RNF212B: variants seen among roughly 807,000 people sequenced by gnomAD.
RNF212B encodes E3 ubiquitin-protein ligase RNF212B.
In RNF212B, 52 loss-of-function variants were observed where a neutral mutation model predicts 55.5. That is an observed-to-expected ratio of 0.94 (90% CI 0.75 to 1.18). The LOEUF (loss-of-function observed/expected upper bound fraction) is 1.18, where lower values mean the gene tolerates loss of function less well. Ranked by LOEUF, RNF212B falls within the 50% of genes most tolerant of loss-of-function variation. The probability of loss-of-function intolerance (pLI) is 0.00; values close to 1 mark genes in which losing one functional copy is unlikely to be tolerated. For missense variants in RNF212B, 289 were observed against 350.4 expected, an observed-to-expected ratio of 0.82 and a Z score of 1.40; for synonymous variants, 99 against 121.4, an observed-to-expected ratio of 0.82 and a Z score of 1.21.
chr14:23,218,091 A>G (rs114113457), intron 2 of RNF212B, among the ~76,000 whole-genome samples: 1,910 of 152,178 alleles, frequency 0.013, 38 homozygotes, highest in African/African-American at 0.042. Context: ...ATTGCAGGCC[A>G]GGCGCTGTGG....
chr14:23,231,196 C>A (rs1288240871), intron 2 of RNF212B, among the ~76,000 whole-genome samples: 1 of 152,044 alleles, frequency 6.6e-6, no homozygotes, highest in African/African-American at 2.4e-5. Context: ...CCGTATATAG[C>A]TTTGGATGCT....
At chr14:23,260,831 G>A (rs1594944599) in intron 7 of RNF212B, 144 bp downstream of exon 7, 1 of 746,994 alleles carries the variant, frequency 1.3e-6, no homozygotes, top group Middle Eastern at 3.7e-4. Context: ...GTTACTGAAA[G>A]TGCCGAAGTA....
intron 2 of RNF212B, among the ~76,000 whole-genome samples, chr14:23,216,363 A>G (rs1344087370): frequency 1.3e-5 from 2 of 152,224 alleles, no homozygotes; most frequent in Non-Finnish European, 2.9e-5. Context: ...ACAAAAAAGC[A>G]AAAAGAAGTG....
intron 2 of RNF212B, among the ~76,000 whole-genome samples, chr14:23,206,848 A>G (rs1038814581): frequency 1.3e-5 from 2 of 152,184 alleles, no homozygotes; most frequent in Non-Finnish European, 2.9e-5. Flanking sequence ...CAAACAAACA[A>G]ACAAAAAATC....
At position 23,270,537 on chromosome 14, in the gene RNF212B, A is replaced by T. The variant is rs892126510; in HGVS notation, c.773-63A>T. ...GAACTACCTCATTACCCTGACCCACAAGTAACACTGCCGAGAAACTGCCCA... is the reference window on the plus strand; with the variant it reads ...GAACTACCTCATTACCCTGACCCACTAGTAACACTGCCGAGAAACTGCCCA... On this transcript the variant is annotated intron_variant, in intron 13 of 14. Coordinates refer to ENST00000430154, the MANE Select transcript of RNF212B (RefSeq NM_001282322.3). 16 of 1,183,140 alleles carry T rather than the reference A, an allele frequency of 1.4e-5. No individual in the cohort carries two copies. The African/African-American group carries it at 1.8e-4, about 13-fold the overall frequency. The allele number at this position is 1,183,140 out of a possible 1,614,324, so 73.3% of individuals were successfully genotyped here.
chr14:23,249,639 A>G (rs1174101246), intron 4 of RNF212B, among the ~76,000 whole-genome samples: 1 of 152,220 alleles, frequency 6.6e-6, no homozygotes, highest in African/African-American at 2.4e-5. Flanking sequence ...CTTCTGAAAC[A>G]GTGTAGTTGA....
intron 2 of RNF212B, among the ~76,000 whole-genome samples, chr14:23,219,124 C>T (rs1163004565): frequency 6.6e-6 from 1 of 152,110 alleles, no homozygotes; most frequent in Non-Finnish European, 1.5e-5. Flanking sequence ...GAAATAAAGG[C>T]CTTCCCAGAC....
Position 23,272,884 on chromosome 14 carries a change from CTAG to C in RNF212B, c.897_899del (p.Arg300del), listed in dbSNP as rs774280746. 23 of 1,528,898 alleles carry C rather than the reference CTAG, an allele frequency of 1.5e-5. 1 individual carries two copies. The South Asian group carries it at 2.8e-4, about 19-fold the overall frequency. 94.7% of individuals were successfully genotyped at this position (1,528,898 alleles called of 1,614,324 possible). A position where few individuals can be genotyped will look rare whatever the true frequency, so the allele number is the denominator to read the frequency against. ...AGTGGGAGAGAAGCATGGACCACTT[CTAG>C]ATAGATCATCTTCAAGATCTGATCT... On this transcript the variant is annotated inframe_deletion, in exon 15 of 15. Transcript: ENST00000430154.
At chr14:23,225,079 C>CAA (rs145337832) in intron 2 of RNF212B, among the ~76,000 whole-genome samples, 2,304 of 149,436 alleles carry the variant, frequency 0.015, 55 homozygotes, top group African/African-American at 0.053. Context: ...TGCCACCCCA[C>CAA]ACAAAAAAAA....
At chr14:23,193,091 TAAAAAAAA>T (rs3045528) in intron 1 of RNF212B, among the ~76,000 whole-genome samples, 4,137 of 113,122 alleles carry the variant, frequency 0.037, 94 homozygotes, top group African/African-American at 0.053. Flanking sequence ...AAACTCTGTC[TAAAAAAAA>T]AAAAAAAAAA....
chr14:23,188,460 G>GTTTTTTTTTTTTTTTTTTTTTT (rs60659225), intron 1 of RNF212B: 1 of 136,502 alleles, frequency 7.3e-6, no homozygotes. Flanking sequence ...AAAGATTAGG[G>GTTTTTTTTTTTTTTTTTTTTTT]TTTTTTTTTT....
At chr14:23,240,528 T>C in intron 2 of RNF212B, 83 bp downstream of exon 2, 1 of 834,806 alleles carries the variant, frequency 1.2e-6, no homozygotes, top group Non-Finnish European at 1.9e-6. Context: ...ATGTGTGACT[T>C]AGGATAAAAA....
chr14:23,193,106 AAAAAAAAAAAAAG>A (rs1311425496), intron 1 of RNF212B, among the ~76,000 whole-genome samples: 2 of 151,366 alleles, frequency 1.3e-5, no homozygotes, highest in South Asian at 2.1e-4. Context: ...AAAAAAAAAA[AAAAAAAAAAAAAG>A]AATGTTACCA....
At chr14:23,227,604 T>C (rs1882151107) in intron 2 of RNF212B, among the ~76,000 whole-genome samples, 2 of 146,722 alleles carry the variant, frequency 1.4e-5, no homozygotes, top group African/African-American at 5.0e-5. Flanking sequence ...ACAAAAAGTG[T>C]TTTTTTGTTT....
chr14:23,199,107 T>C (rs570665930), intron 2 of RNF212B, among the ~76,000 whole-genome samples: 13 of 152,206 alleles, frequency 8.5e-5, no homozygotes, highest in Admixed American at 7.9e-4. Context: ...TTGAGACAGG[T>C]CTCAGTTAAT....
chr14:23,272,258 A>G (rs1228083420), intron 14 of RNF212B, among the ~76,000 whole-genome samples: 1 of 152,094 alleles, frequency 6.6e-6, no homozygotes. Context: ...TATACTAAAA[A>G]AAGTACAAAA....
At chr14:23,272,014 T>C (rs1364034966) in intron 14 of RNF212B, among the ~76,000 whole-genome samples, 1 of 152,188 alleles carries the variant, frequency 6.6e-6, no homozygotes, top group Non-Finnish European at 1.5e-5. Context: ...TGCATCAGTG[T>C]AATTTAGTAG....
chr14:23,245,276 G>T (rs1201643766), intron 4 of RNF212B, among the ~76,000 whole-genome samples: 1 of 152,084 alleles, frequency 6.6e-6, no homozygotes. Flanking sequence ...GGGAATTAAG[G>T]CTTGCTGCTT....
At chr14:23,217,307 T>C (rs1881189162) in intron 2 of RNF212B, among the ~76,000 whole-genome samples, 1 of 151,596 alleles carries the variant, frequency 6.6e-6, no homozygotes, top group Non-Finnish European at 1.5e-5. Context: ...CGGGAAGAAC[T>C]TTATATTGTG....
Sources: gnomAD v4.1 joint callset for allele counts (sites outside exome capture counted in the v4.1 genomes callset) on GRCh38, gnomAD v4.1.1 for gene constraint, MANE v1.5 for transcripts, NCBI Gene and HGNC (gene_info 2026-07-23, HGNC 2026-07-21) for gene names.